The following SYNE2 variants were observed in gnomAD, a reference collection of about 807,000 sequenced individuals.
SYNE2 encodes nesprin-2.
Under a neutral mutation model 856.3 loss-of-function variants are expected in SYNE2, and 431 were observed. The ratio of observed to expected loss-of-function variants is 0.50; its 90% CI spans 0.47 to 0.55. The LOEUF (loss-of-function observed/expected upper bound fraction) is 0.55. Ranked by LOEUF, SYNE2 falls within the 20% of genes least tolerant of loss-of-function variation. The probability of loss-of-function intolerance (pLI) is 0.00; values close to 1 mark genes in which losing one functional copy is unlikely to be tolerated. For synonymous variants in SYNE2, 2,923 were observed against 2,872.3 expected, an observed-to-expected ratio of 1.02 and a Z score of -0.56; for missense variants, 8,129 against 8,023.2, an observed-to-expected ratio of 1.01 and a Z score of -0.50.
At chr14:63,764,653 T>C (rs1054973824) in intron 1 of SYNE2, among the ~76,000 whole-genome samples, 1 of 151,870 alleles carries the variant, frequency 6.6e-6, no homozygotes, top group African/African-American at 2.4e-5. Context: ...CCATGGTGGT[T>C]TGCTGTACCC....
intron 66 of SYNE2, 99 bp from the exon 67 acceptor site, chr14:64,119,328 G>A: frequency 1.4e-6 from 2 of 1,463,510 alleles, no homozygotes; most frequent in South Asian, 2.4e-5. Flanking sequence ...GGGACTTCTT[G>A]TATACACTTA....
At chr14:63,896,977 C>T (rs1021072444) in intron 1 of SYNE2, among the ~76,000 whole-genome samples, 2 of 152,102 alleles carry the variant, frequency 1.3e-5, no homozygotes, top group Non-Finnish European at 2.9e-5. Context: ...AATGGCCTGG[C>T]GCAGTGGCTC....
intron 11 of SYNE2, among the ~76,000 whole-genome samples, chr14:63,973,429 C>T (rs921516100): frequency 6.6e-6 from 1 of 151,744 alleles, no homozygotes; most frequent in Admixed American, 6.6e-5. Context: ...GTCAGGAGTT[C>T]GAGACCAGCC....
At chr14:64,184,575 T>A (rs1596067298) in intron 96 of SYNE2, among the ~76,000 whole-genome samples, 1 of 152,320 alleles carries the variant, frequency 6.6e-6, no homozygotes, top group East Asian at 1.9e-4. Flanking sequence ...TCCTGCCACC[T>A]GACTGGGAAA....
intron 1 of SYNE2, among the ~76,000 whole-genome samples, chr14:63,879,640 G>A (rs1566690713): frequency 6.6e-6 from 1 of 152,232 alleles, no homozygotes; most frequent in Non-Finnish European, 1.5e-5. Flanking sequence ...AAGGAACAAA[G>A]GGGCTTCCAA....
intron 101 of SYNE2, 125 bp from the exon 102 acceptor site, chr14:64,209,303 C>A: frequency 6.7e-7 from 1 of 1,498,228 alleles, no homozygotes; most frequent in Middle Eastern, 1.8e-4. Flanking sequence ...TGGCGTCCCT[C>A]TTATTTCCCA....
chr14:64,180,878 A>T (rs984688904), intron 96 of SYNE2, among the ~76,000 whole-genome samples: 13 of 152,286 alleles, frequency 8.5e-5, no homozygotes, highest in Non-Finnish European at 2.9e-5. Flanking sequence ...AATATTTTTG[A>T]AGCTATTGAA....
chr14:64,171,729 A>T (rs2098411840), intron 94 of SYNE2, among the ~76,000 whole-genome samples: 1 of 152,178 alleles, frequency 6.6e-6, no homozygotes, highest in African/African-American at 2.4e-5. Flanking sequence ...GGTGAACTAG[A>T]AAGGCGGGTA....
intron 7 of SYNE2, among the ~76,000 whole-genome samples, chr14:63,953,771 G>A (rs930602419): frequency 6.6e-5 from 10 of 152,092 alleles, no homozygotes; most frequent in African/African-American, 2.4e-4. Flanking sequence ...CTGGCCTCTG[G>A]CAATGACCAT....
intron 45 of SYNE2, among the ~76,000 whole-genome samples, chr14:64,038,770 T>C (rs866615228): frequency 6.6e-5 from 10 of 152,206 alleles, no homozygotes; most frequent in Non-Finnish European, 7.4e-5. Context: ...GCAGGGAGGT[T>C]GCAGTGAGCC....
At chr14:64,003,867 G>T (rs2096774176) in intron 30 of SYNE2, among the ~76,000 whole-genome samples, 2 of 152,218 alleles carry the variant, frequency 1.3e-5, no homozygotes, top group Non-Finnish European at 2.9e-5. Flanking sequence ...GAACAGAGTT[G>T]CAGTAGACTG....
chr14:64,124,065 C>T (rs1044054035), intron 70 of SYNE2, among the ~76,000 whole-genome samples: 2 of 151,950 alleles, frequency 1.3e-5, no homozygotes, highest in African/African-American at 2.4e-5. Context: ...ATTAGCTGGC[C>T]GTGGTGGTGG....
chr14:64,106,554 CAGGAGA>C (rs2153648816), intron 64 of SYNE2, among the ~76,000 whole-genome samples: 1 of 152,228 alleles, frequency 6.6e-6, no homozygotes, highest in South Asian at 2.1e-4. Context: ...GAGGCTGAGG[CAGGAGA>C]AGGGCGTGAA....
At chr14:63,827,400 G>T (rs1889475731) in intron 1 of SYNE2, among the ~76,000 whole-genome samples, 1 of 151,816 alleles carries the variant, frequency 6.6e-6, no homozygotes, top group Non-Finnish European at 1.5e-5. Context: ...CGAGGCAGGT[G>T]GATCACCTAA....
In SYNE2 at chr14:63,864,004, G is replaced by A. The variant is rs559749089; in HGVS notation, c.-52+10861G>A. On this transcript the variant is annotated intron_variant, in intron 1 of 115. Coordinates refer to ENST00000555002, the MANE Select transcript of SYNE2 (RefSeq NM_182914.3). Reference sequence around the variant, plus strand: ...GCTTGACTAATTTTTTGTATTTTTCGTAGAAACGGGGTTAGCCAGGCTGGT... The same window carrying A: ...GCTTGACTAATTTTTTGTATTTTTCATAGAAACGGGGTTAGCCAGGCTGGT... Among the ~76,000 whole-genome samples the A allele has an allele frequency of 1.3e-3, 200 of 152,120 alleles. 1 individual carries two copies. The highest frequency in any genetic ancestry group is 2.0e-3 in the Non-Finnish European group (139 of 67,994).
chr14:64,163,147 A>G (rs1342407829), intron 88 of SYNE2, among the ~76,000 whole-genome samples: 3 of 152,228 alleles, frequency 2.0e-5, no homozygotes, highest in African/African-American at 7.2e-5. Context: ...TCCAGTTTCT[A>G]TACACTAGAA....
At chr14:64,124,659 A>G (rs968036617) in intron 70 of SYNE2, among the ~76,000 whole-genome samples, 2 of 152,192 alleles carry the variant, frequency 1.3e-5, no homozygotes, top group Non-Finnish European at 2.9e-5. Flanking sequence ...AATGTTCACC[A>G]AGAAAGTGGC....
At chr14:64,012,897 T>C (rs1474512273) in intron 32 of SYNE2, among the ~76,000 whole-genome samples, 1 of 152,268 alleles carries the variant, frequency 6.6e-6, no homozygotes, top group Non-Finnish European at 1.5e-5. Context: ...TATCCTGCTT[T>C]GCAGCAGTGC....
At chr14:63,865,722 C>CACT (rs1486940870) in intron 1 of SYNE2, among the ~76,000 whole-genome samples, 1 of 112,190 alleles carries the variant, frequency 8.9e-6, no homozygotes, top group African/African-American at 3.6e-5. Flanking sequence ...CCACCCCCCC[C>CACT]CCAAAAAAAA....
Sources: allele counts gnomAD v4.1 joint callset (sites outside exome capture counted in the v4.1 genomes callset), GRCh38; gene constraint gnomAD v4.1.1; transcripts MANE v1.5; gene names NCBI Gene and HGNC (gene_info 2026-07-23, HGNC 2026-07-21).